MEGF11: variants seen among roughly 807,000 people sequenced by gnomAD.
MEGF11 encodes the protein multiple epidermal growth factor-like domains protein 11.
A neutral mutation model predicts 146.6 loss-of-function variants in MEGF11; 126 were observed. The observed-to-expected ratio is 0.86, with a 90% confidence interval of 0.74 to 1.00. The LOEUF (loss-of-function observed/expected upper bound fraction) is 1.00. MEGF11 is among the 50% of genes least tolerant of loss of function. The probability of loss-of-function intolerance (pLI) is 0.00; values close to 1 mark genes in which losing one functional copy is unlikely to be tolerated. For synonymous variants in MEGF11, 532 were observed against 583.4 expected (o/e 0.91, Z 1.27); for missense variants, 1,509 against 1,521.2 (o/e 0.99, Z 0.13).
chr15:66,118,284 A>T (rs967507184), intron 4 of MEGF11, among the ~76,000 whole-genome samples: 4 of 151,932 alleles, frequency 2.6e-5, no homozygotes, highest in African/African-American at 9.7e-5. Flanking sequence ...CCCTACGATC[A>T]TCCTCCCAGA....
In MEGF11 at chr15:66,113,232, A is replaced by G. The variant is rs543752571; in HGVS notation, c.301+5854T>C. Among the ~76,000 whole-genome samples the G allele has an allele frequency of 9.9e-4, 150 of 152,258 alleles. 1 individual carries two copies. The highest frequency in any genetic ancestry group is 3.4e-3 in the African/African-American group (143 of 41,546). Reference sequence around the variant, plus strand: ...GCAGACCACCTCCTAGGGTTGGCACAGTCCCTTTCCCTGGGGACAACCTAT... The same window carrying G: ...GCAGACCACCTCCTAGGGTTGGCACGGTCCCTTTCCCTGGGGACAACCTAT... On this transcript the variant is annotated intron_variant, in intron 4 of 25. Coordinates refer to ENST00000395614, the MANE Select transcript of MEGF11 (RefSeq NM_001385028.1).
intron 5 of MEGF11, among the ~76,000 whole-genome samples, chr15:66,008,884 A>G (rs921768627): frequency 1.3e-5 from 2 of 151,776 alleles, no homozygotes; most frequent in Non-Finnish European, 2.9e-5. Flanking sequence ...ATACCAGGCC[A>G]GGGCTCCTTC....
At chr15:66,104,170 T>A (rs1255116932) in intron 4 of MEGF11, among the ~76,000 whole-genome samples, 4 of 152,252 alleles carry the variant, frequency 2.6e-5, no homozygotes, top group African/African-American at 7.2e-5. Context: ...AAGGTCTTCA[T>A]CTAGAATGTG....
intron 1 of MEGF11, among the ~76,000 whole-genome samples, chr15:66,173,307 AT>A (rs35586865): frequency 2.0e-5 from 3 of 151,642 alleles, no homozygotes; most frequent in South Asian, 2.1e-4. Context: ...ACAGAAGGCA[AT>A]TTTTTTTTAA....
At chr15:65,998,033 G>C (rs779411967) in intron 5 of MEGF11, among the ~76,000 whole-genome samples, 3 of 152,112 alleles carry the variant, frequency 2.0e-5, no homozygotes, top group Non-Finnish European at 4.4e-5. Context: ...GGGCAGGGGT[G>C]GGGGGCACTG....
At chr15:65,991,913 G>A (rs1779705081) in intron 5 of MEGF11, among the ~76,000 whole-genome samples, 1 of 152,214 alleles carries the variant, frequency 6.6e-6, no homozygotes, top group African/African-American at 2.4e-5. Flanking sequence ...CACCTATCAT[G>A]TTAGGGGCTC....
intron 1 of MEGF11, among the ~76,000 whole-genome samples, chr15:66,210,722 C>T (rs1017017113): frequency 2.6e-5 from 4 of 152,332 alleles, no homozygotes; most frequent in Admixed American, 2.0e-4. Context: ...AGGGGCTACC[C>T]TCCCAAGGCT....
rs138644497 is a variant in MEGF11 at position 66,047,543 on chromosome 15, A to G, written c.394+46859T>C. ...GAACTCCCCAGTCTTTATGATGGCC[A>G]TGAATAACCTGTTCCATCCCATAAA... On this transcript the variant is annotated intron_variant, in intron 5 of 25. Transcript: ENST00000395614. 1.1e-3 allele frequency among the ~76,000 whole-genome samples: 164 copies of G among 152,334 alleles called. 1 individual carries two copies. The highest frequency in any genetic ancestry group is 3.6e-3 in the African/African-American group (150 of 41,578).
At chr15:66,118,538 C>A (rs2140906801) in intron 4 of MEGF11, among the ~76,000 whole-genome samples, 1 of 152,306 alleles carries the variant, frequency 6.6e-6, no homozygotes, top group Middle Eastern at 3.4e-3. Flanking sequence ...TCCCCCAAAT[C>A]CTTTTTGGAA....
chr15:66,217,827 C>A (rs931002408), intron 1 of MEGF11, among the ~76,000 whole-genome samples: 4 of 152,216 alleles, frequency 2.6e-5, no homozygotes, highest in Non-Finnish European at 5.9e-5. Context: ...TTCCCAGGAA[C>A]CATCCAGAAA....
At chr15:66,201,965 A>C (rs926321677) in intron 1 of MEGF11, among the ~76,000 whole-genome samples, 1 of 148,670 alleles carries the variant, frequency 6.7e-6, no homozygotes, top group Middle Eastern at 3.4e-3. Context: ...AAAAAAAAAA[A>C]AAAAAAAAAA....
At chr15:65,976,803 T>C (rs2081463199) in intron 7 of MEGF11, among the ~76,000 whole-genome samples, 1 of 152,144 alleles carries the variant, frequency 6.6e-6, no homozygotes, top group African/African-American at 2.4e-5. Context: ...TCTGTTCCTC[T>C]CAGAACTGGT....
At chr15:66,066,160 A>G (rs8035974) in intron 5 of MEGF11, among the ~76,000 whole-genome samples, 149,129 of 152,298 alleles carry the variant, frequency 0.98, 73,101 homozygotes, top group East Asian at 1. Context: ...TGACACGTGA[A>G]GCTTCTGCCA....
intron 8 of MEGF11, among the ~76,000 whole-genome samples, chr15:65,965,616 T>TCTTTCTTTC (rs1567180156): frequency 6.1e-5 from 7 of 115,506 alleles, no homozygotes; most frequent in Non-Finnish European, 1.2e-4. Flanking sequence ...TTTTTTTCTT[T>TCTTTCTTTC]TTTTTTTTTT....
At chr15:66,226,448 A>C (rs915115204) in intron 1 of MEGF11, among the ~76,000 whole-genome samples, 2 of 152,014 alleles carry the variant, frequency 1.3e-5, no homozygotes, top group Non-Finnish European at 1.5e-5. Flanking sequence ...AGGTTTCACC[A>C]TGTTGGCCAG....
intron 1 of MEGF11, among the ~76,000 whole-genome samples, chr15:66,170,117 T>A (rs2090207330): frequency 6.6e-6 from 1 of 152,144 alleles, no homozygotes. Context: ...AAAGACAGAA[T>A]AACCTCTTCT....
chr15:66,159,827 G>C (rs1238472666), intron 1 of MEGF11, among the ~76,000 whole-genome samples: 1 of 152,052 alleles, frequency 6.6e-6, no homozygotes, highest in East Asian at 1.9e-4. Context: ...ATTCTCGAAG[G>C]GTTAATTGAG....
At chr15:66,120,700 C>G (rs900305133) in intron 3 of MEGF11, among the ~76,000 whole-genome samples, 29 of 152,196 alleles carry the variant, frequency 1.9e-4, no homozygotes, top group African/African-American at 6.0e-4. Context: ...AAGCTGGCCT[C>G]AAAGTAAAGC....
rs917302103 is a variant in MEGF11, at chr15:66,068,601, G to A, written c.394+25801C>T. Among the ~76,000 whole-genome samples the A allele has an allele frequency of 7.2e-5, 11 of 152,302 alleles. No homozygotes were observed. The East Asian group carries it at 2.1e-3, about 29-fold the overall frequency. ...GTGGCAGAGCTGGGATTCAACCCCAGGGGTCCCAATTCTAAGCCAGTGCTC... is the reference window on the plus strand; with the variant it reads ...GTGGCAGAGCTGGGATTCAACCCCAAGGGTCCCAATTCTAAGCCAGTGCTC... On this transcript the variant is annotated intron_variant, in intron 5 of 25. Transcript: ENST00000395614.
Sources: allele counts gnomAD v4.1 joint callset (sites outside exome capture counted in the v4.1 genomes callset), GRCh38; gene constraint gnomAD v4.1.1; transcripts MANE v1.5; gene names NCBI Gene and HGNC (gene_info 2026-07-23, HGNC 2026-07-21).